Variants in GK2 observed in about 807,000 individuals in gnomAD.
GK2 encodes the protein glycerol kinase 2, also known as ATP:glycerol 3-phosphotransferase 2.
GK2 carries 10 observed loss-of-function variants against 9.5 expected under a neutral mutation model. That is an observed-to-expected ratio of 1.05 (90% CI 0.65 to 1.78). GK2 has a LOEUF of 1.78. Among genes scored for constraint, GK2 ranks in the 40% most tolerant of loss-of-function variants. GK2 has a pLI of 0.00. For synonymous variants in GK2, 228 were observed against 229.9 expected (o/e 0.99, Z 0.07); for missense variants, 643 against 669.0 (o/e 0.96, Z 0.43).
chr4:79,407,875 T>A lies in GK2; in HGVS notation c.326A>T (p.Tyr109Phe), dbSNP rs1725891009. Residue 109 changes from tyrosine to phenylalanine, a missense_variant, in exon 1 of 1, where the codon TAC (tyrosine) becomes TTC (phenylalanine). Physicochemically the swap from Tyr to Phe is conservative, Grantham distance 22. Transcript: ENST00000358842. ...IWDKLTGEPL[Y>F]NAVVWLDLRT... ...TAGATCAAGCCACACCACAGCATTG[T>A]AGAGAGGCTCTCCTGTTAACTTGTC... 4 of 1,614,212 alleles carry A rather than the reference T, an allele frequency of 2.5e-6. No individual in the cohort carries two copies. In the Admixed American group the frequency reaches 5.0e-5, roughly 20 times the overall value.
In GK2 at chr4:79,406,620, G is replaced by A. The variant is rs1174168345; in HGVS notation, c.1581C>T (p.Phe527=). 1 of 1,613,910 alleles carries A rather than the reference G, an allele frequency of 6.2e-7. No homozygotes were observed. The highest frequency in any genetic ancestry group is 8.5e-7 in the Non-Finnish European group (1 of 1,179,794). The change falls in exon 1 of 1, where the codon TTC becomes TTT. Residue 527 remains phenylalanine (F), a synonymous_variant. Transcript: ENST00000358842. ...QSPEGGDPSI[F]SSLPLGFFIV... ...TAAAAAATCCCAAAGGCAGACTAGA[G>A]AAGATAGAAGGATCACCACCTTCAG...
chr4:79,406,798 C>CCCTCTGCAG lies in GK2; in HGVS notation c.1394_1402dup (p.Ala465_Glu467dup). 1.9e-6 allele frequency: 3 copies of CCCTCTGCAG among 1,614,196 alleles called. No individual in the cohort carries two copies. The highest frequency in any genetic ancestry group is 2.5e-6 in the Non-Finnish European group (3 of 1,180,012). ...GGGTTCAAGGCTCCAAACGCTTACT[C>CCCTCTGCAG]CCTCTGCAGCCCCTGCTGCCATGGC... On this transcript the variant is annotated inframe_insertion, in exon 1 of 1. Coordinates refer to ENST00000358842, the MANE Select transcript of GK2 (RefSeq NM_033214.3).
rs144748131 is a variant in GK2 at position 79,406,558 on chromosome 4, T to C, written c.1643A>G (p.Tyr548Cys). ...SSMVMLIGAR[Y>C]ISGVP ...GTATTATTATGGCACACCCGAGATA[T>C]ATCTTGCTCCAATTAGCATTACCAT... is the stretch of plus-strand genomic sequence containing the variant. Residue 548 changes from tyrosine to cysteine, a missense_variant, in exon 1 of 1, where the codon TAT (tyrosine) becomes TGT (cysteine). Tyr to Cys is a radical substitution (Grantham distance 194). Transcript: ENST00000358842. The C allele has an allele frequency of 6.8e-6, 11 of 1,608,178 alleles. No individual in the cohort carries two copies. Among genetic ancestry groups the C allele is most frequent in the Non-Finnish European group, 8.5e-6 (10 of 1,174,770 alleles).
Position 79,406,388 on chromosome 4 carries a change from G to A in GK2, c.*151C>T, listed in dbSNP as rs1725848843. 1 of 548,484 alleles carries A rather than the reference G, an allele frequency of 1.8e-6. No homozygotes were observed. Among genetic ancestry groups the A allele is most frequent in the South Asian group, 2.9e-5 (1 of 34,410 alleles). 34.0% of individuals were successfully genotyped at this position (548,484 alleles called of 1,614,324 possible). A position where few individuals can be genotyped will look rare whatever the true frequency, so the allele number is the denominator to read the frequency against. ...TTCTAACGTATTTTCTTTATTTCAG[G>A]TCACAAGTCTAGGGTTTTCATGGGT... On this transcript the variant is annotated 3_prime_UTR_variant, in exon 1 of 1. Coordinates refer to ENST00000358842, the MANE Select transcript of GK2 (RefSeq NM_033214.3).
chr4:79,407,198 T>G lies in GK2; in HGVS notation c.1003A>C (p.Asn335His). The change falls in exon 1 of 1, where the codon AAT becomes CAT. Residue 335 changes from asparagine to histidine, a missense_variant. Physicochemically the swap from Asn to His is moderately conservative, Grantham distance 68 (BLOSUM62 1). Transcript: ENST00000358842. ...AGAVIRWLRD[N>H]LGIIETSGDI... The stretch of plus-strand genomic sequence containing the variant: ...CCTGAGGTCTCTATAATTCCAAGAT[T>G]GTCTCTTAGCCAACGAATAACAGCA... The G allele has an allele frequency of 6.2e-7, 1 of 1,614,206 alleles. No individual in the cohort carries two copies. Among genetic ancestry groups the G allele is most frequent in the Non-Finnish European group, 8.5e-7 (1 of 1,180,024 alleles).
In GK2 at chr4:79,407,228, C is replaced by T; in HGVS notation, c.973G>A (p.Ala325Thr). Residue 325 changes from alanine (A) to threonine (T), a missense_variant, in exon 1 of 1, where the codon GCA (alanine) becomes ACA (threonine). Coordinates refer to ENST00000358842, the MANE Select transcript of GK2 (RefSeq NM_033214.3). Reference protein sequence around the residue: ...YYALEGSVAIAGAVIRWLRDN... With the variant: ...YYALEGSVAITGAVIRWLRDN... ...CTTAGCCAACGAATAACAGCACCTG[C>T]TATAGCAACAGAACCTTCCAGTGCA... The T allele has an allele frequency of 1.2e-6, 2 of 1,614,144 alleles. No individual in the cohort carries two copies. Among genetic ancestry groups the T allele is most frequent in the Non-Finnish European group, 8.5e-7 (1 of 1,180,016 alleles).
Position 79,406,683 on chromosome 4 carries a change from G to C in GK2, c.1518C>G (p.Ala506=), listed in dbSNP as rs766589876. ...TAACCCAACCCATTGACTTCATTAC[G>C]GCTTTCTTCCATGTGGCATAACGAA... The part of the protein sequence containing the change: ...SEIRYATWKK[A]VMKSMGWVTS... Residue 506 remains alanine, a synonymous_variant, in exon 1 of 1, where the codon GCC becomes GCG. Transcript: ENST00000358842. 1 of 1,614,022 alleles carries C rather than the reference G, an allele frequency of 6.2e-7. No homozygotes were observed. The highest frequency in any genetic ancestry group is 1.1e-5 in the South Asian group (1 of 91,076).
Position 79,407,675 on chromosome 4 carries a change from C to T in GK2, c.526G>A (p.Gly176Ser), listed in dbSNP as rs1405704098. 1 of 1,614,064 alleles carries T rather than the reference C, an allele frequency of 6.2e-7. No individual in the cohort carries two copies. Among genetic ancestry groups the T allele is most frequent in the Non-Finnish European group, 8.5e-7 (1 of 1,180,034 alleles). The change falls in exon 1 of 1, where the codon GGT becomes AGT. Residue 176 changes from glycine to serine, a missense_variant. Gly to Ser is a moderately conservative substitution (Grantham distance 56, BLOSUM62 0). Transcript: ENST00000358842. The part of the protein sequence containing the change: ...KAVEEGRALF[G>S]TIDSWLIWSL... ...CAGATAAGCCATGAATCAATGGTACCAAAAAGAGCTCTACCTTCTTCAACA... is the reference window on the plus strand; with the variant it reads ...CAGATAAGCCATGAATCAATGGTACTAAAAAGAGCTCTACCTTCTTCAACA...
In GK2 at chr4:79,406,802, C is replaced by T. The variant is rs944096181; in HGVS notation, c.1399G>A (p.Glu467Lys). ...TCAAGGCTCCAAACGCTTACTCCCT[C>T]TGCAGCCCCTGCTGCCATGGCAGCT... is the stretch of plus-strand genomic sequence containing the variant. ...LGAAMAAGAAEGVSVWSLEPQ... is the reference protein window; with the variant it reads ...LGAAMAAGAAKGVSVWSLEPQ... The change falls in exon 1 of 1, where the codon GAG becomes AAG. Residue 467 changes from glutamate to lysine, a missense_variant. Glu to Lys is a moderately conservative substitution (Grantham distance 56, BLOSUM62 1). Transcript: ENST00000358842. The T allele has an allele frequency of 6.2e-6, 10 of 1,614,114 alleles. No individual in the cohort carries two copies. The highest frequency in any genetic ancestry group is 1.1e-5 in the South Asian group (1 of 91,090).
At position 79,406,472 on chromosome 4, in the gene GK2, A is replaced by G. The variant is rs11747; in HGVS notation, c.*67T>C. ...TCTATAATAGTGTCATTATATTAAG[A>G]GGCAGAACTGCTATATGCTTTCATT... On this transcript the variant is annotated 3_prime_UTR_variant, in exon 1 of 1. Coordinates refer to ENST00000358842, the MANE Select transcript of GK2 (RefSeq NM_033214.3). The G allele has an allele frequency of 1.1e-6, 1 of 914,056 alleles. No homozygotes were observed. The allele number at this position is 914,056 out of a possible 1,614,324, so 56.6% of individuals were successfully genotyped here.
rs780602730 is a variant in GK2 at position 79,406,813 on chromosome 4, G to C, written c.1388C>G (p.Ala463Gly). The change falls in exon 1 of 1, where the codon GCA (alanine) becomes GGA (glycine). Residue 463 changes from alanine (A) to glycine (G), a missense_variant. Transcript: ENST00000358842. ...AACGCTTACTCCCTCTGCAGCCCCT[G>C]CTGCCATGGCAGCTCCTAGTGCAGT... ...ETTALGAAMA[A>G]GAAEGVSVWS... The C allele has an allele frequency of 6.2e-7, 1 of 1,614,204 alleles. No homozygotes were observed. The highest frequency in any genetic ancestry group is 8.5e-7 in the Non-Finnish European group (1 of 1,180,032).
At position 79,408,170 on chromosome 4, in the gene GK2, G is replaced by A. The variant is rs372547283; in HGVS notation, c.31C>T (p.Pro11Ser). 6.2e-7 allele frequency: 1 copy of A among 1,606,060 alleles called. No homozygotes were observed. Among genetic ancestry groups the A allele is most frequent in the Non-Finnish European group, 8.5e-7 (1 of 1,175,988 alleles). The change falls in exon 1 of 1, where the codon CCG becomes TCG. Residue 11 changes from proline (P) to serine (S), a missense_variant. By Grantham distance (74) the Pro-to-Ser change is moderately conservative. Coordinates refer to ENST00000358842, the MANE Select transcript of GK2 (RefSeq NM_033214.3). MAAPKTAAVG[P>S]LVGAVVQGTN... ...CCCTGGACCACCGCTCCCACCAACG[G>A]CCCCACAGCTGCTGTCTTTGGGGCT...
In GK2 at chr4:79,407,612, T is replaced by C. The variant is rs968750874; in HGVS notation, c.589A>G (p.Thr197Ala). ...GTCCTACTTGCATTTGTTACATCTG[T>C]ACAATGCACGCCTCCATTAACTCCT... ...TGGVNGGVHC[T>A]DVTNASRTML... The change falls in exon 1 of 1, where the codon ACA becomes GCA. Residue 197 changes from threonine (T) to alanine (A), a missense_variant. Transcript: ENST00000358842. 8.7e-6 allele frequency: 14 copies of C among 1,613,544 alleles called. No individual in the cohort carries two copies. The African/African-American group carries it at 1.2e-4, about 14-fold the overall frequency.
chr4:79,408,120 A>G lies in GK2; in HGVS notation c.81T>C (p.Val27=), dbSNP rs1223036785. 3 of 1,613,986 alleles carry G rather than the reference A, an allele frequency of 1.9e-6. No homozygotes were observed. Among genetic ancestry groups the G allele is most frequent in the Non-Finnish European group, 2.5e-6 (3 of 1,180,012 alleles). The change falls in exon 1 of 1, where the codon GTT becomes GTC. Residue 27 remains valine, a synonymous_variant. Coordinates refer to ENST00000358842, the MANE Select transcript of GK2 (RefSeq NM_033214.3). ...VQGTNSTRFL[V]FNSKTAELLS... ...GTAGTTCCGCTGTTTTTGAATTGAA[A>G]ACCAGAAAGCGAGTGGAGTTGGTGC...
rs1220590765 is a variant in GK2, at chr4:79,406,532, G to A, written c.*7C>T. 2.6e-6 allele frequency: 4 copies of A among 1,529,534 alleles called. No individual in the cohort carries two copies. The highest frequency in any genetic ancestry group is 2.7e-5 in the African/African-American group (2 of 73,032). 94.7% of individuals were successfully genotyped at this position (1,529,534 alleles called of 1,614,324 possible). A position where few individuals can be genotyped will look rare whatever the true frequency, so the allele number is the denominator to read the frequency against. On this transcript the variant is annotated 3_prime_UTR_variant, in exon 1 of 1. Transcript: ENST00000358842. ...GTTTACATCTTGGGACTCCATAGCTGGTATTATTATGGCACACCCGAGATA... is the reference window on the plus strand; with the variant it reads ...GTTTACATCTTGGGACTCCATAGCTAGTATTATTATGGCACACCCGAGATA...
At position 79,406,605 on chromosome 4, in the gene GK2, C is replaced by T. The variant is rs1725855876; in HGVS notation, c.1596G>A (p.Leu532=). The change falls in exon 1 of 1, where the codon TTG becomes TTA. Residue 532 remains leucine (L), a synonymous_variant. Coordinates refer to ENST00000358842, the MANE Select transcript of GK2 (RefSeq NM_033214.3). ...CCATGCTACTCACTATAAAAAATCC[C>T]AAAGGCAGACTAGAGAAGATAGAAG... ...GDPSIFSSLP[L]GFFIVSSMVM... 3.1e-6 allele frequency: 5 copies of T among 1,613,906 alleles called. No homozygotes were observed. Among genetic ancestry groups the T allele is most frequent in the South Asian group, 1.1e-5 (1 of 91,066 alleles).
chr4:79,406,639 C>T lies in GK2; in HGVS notation c.1562G>A (p.Gly521Asp), dbSNP rs777427264. The stretch of plus-strand genomic sequence containing the variant: ...ACTAGAGAAGATAGAAGGATCACCA[C>T]CTTCAGGAGACTGACTGGTAACCCA... ...MGWVTSQSPE[G>D]GDPSIFSSLP... is the part of the protein sequence containing the mutation. The change falls in exon 1 of 1, where the codon GGT becomes GAT. Residue 521 changes from glycine (G) to aspartate (D), a missense_variant. Transcript: ENST00000358842. 8 of 1,613,940 alleles carry T rather than the reference C, an allele frequency of 5.0e-6. No homozygotes were observed. Among genetic ancestry groups the T allele is most frequent in the Non-Finnish European group, 4.2e-6 (5 of 1,179,772 alleles).
chr4:79,407,202 T>C lies in GK2; in HGVS notation c.999A>G (p.Arg333=), dbSNP rs549791960. The change falls in exon 1 of 1, where the codon AGA becomes AGG. Residue 333 remains arginine (R), a synonymous_variant. Transcript: ENST00000358842. ...AIAGAVIRWL[R]DNLGIIETSG... ...AGGTCTCTATAATTCCAAGATTGTC[T>C]CTTAGCCAACGAATAACAGCACCTG... is the stretch of plus-strand genomic sequence containing the variant. 6 of 1,614,176 alleles carry C rather than the reference T, an allele frequency of 3.7e-6. 1 individual carries two copies. In the South Asian group the frequency reaches 6.6e-5, roughly 18 times the overall value.
At position 79,407,804 on chromosome 4, in the gene GK2, T is replaced by G; in HGVS notation, c.397A>C (p.Asn133His). 2 of 1,614,170 alleles carry G rather than the reference T, an allele frequency of 1.2e-6. No homozygotes were observed. Among genetic ancestry groups the G allele is most frequent in the Non-Finnish European group, 1.7e-6 (2 of 1,180,034 alleles). ...GTCTTAGACTTGACGAAGTTACTATTTCCTGGAATTTTTTTACTAAGATCC... is the reference window on the plus strand; with the variant it reads ...GTCTTAGACTTGACGAAGTTACTATGTCCTGGAATTTTTTTACTAAGATCC... ...VEDLSKKIPG[N>H]SNFVKSKTGL... Residue 133 changes from asparagine to histidine, a missense_variant, in exon 1 of 1, where the codon AAT becomes CAT. Asn to His is a moderately conservative substitution (Grantham distance 68). Coordinates refer to ENST00000358842, the MANE Select transcript of GK2 (RefSeq NM_033214.3).
Sources: gnomAD v4.1 joint callset for allele counts on GRCh38, gnomAD v4.1.1 for gene constraint, MANE v1.5 for transcripts, NCBI Gene and HGNC (gene_info 2026-07-23, HGNC 2026-07-21) for gene names.